The following CFAP46 variants were observed in gnomAD, a reference collection of about 807,000 sequenced individuals.
CFAP46 encodes the protein cilia and flagella associated protein 46, also known as cilia- and flagella-associated protein 46.
CFAP46 carries 245 observed loss-of-function variants against 325.7 expected under a neutral mutation model. The ratio of observed to expected loss-of-function variants is 0.75; its 90% CI spans 0.68 to 0.84. CFAP46 has a LOEUF of 0.84. Ranked by LOEUF, CFAP46 falls within the 40% of genes least tolerant of loss-of-function variation. The probability of loss-of-function intolerance (pLI) is 0.00; values close to 1 mark genes in which losing one functional copy is unlikely to be tolerated. For synonymous variants in CFAP46, 1,523 were observed against 1,495.9 expected (o/e 1.02, Z -0.42); for missense variants, 3,346 against 3,543.0 (o/e 0.94, Z 1.41).
chr10:132,850,972 G>T, intron 40 of CFAP46, 145 bp downstream of exon 40: 1 of 852,480 alleles, frequency 1.2e-6, no homozygotes, highest in Non-Finnish European at 1.8e-6. Flanking sequence ...ATGCCCGGGA[G>T]CTCCCCCTGC....
intron 11 of CFAP46, among the ~76,000 whole-genome samples, chr10:132,923,995 G>A (rs1849768001): frequency 6.6e-6 from 1 of 152,142 alleles, no homozygotes; most frequent in African/African-American, 2.4e-5. Flanking sequence ...TAGCAGACAG[G>A]GAGCGGGGGC....
intron 22 of CFAP46, among the ~76,000 whole-genome samples, chr10:132,901,612 T>C (rs935733776): frequency 2.0e-5 from 3 of 152,234 alleles, no homozygotes; most frequent in African/African-American, 7.2e-5. Flanking sequence ...TCTATATTTA[T>C]GAAAAATCCC....
intron 8 of CFAP46, among the ~76,000 whole-genome samples, chr10:132,933,413 G>A (rs1012779811): frequency 3.9e-5 from 6 of 152,254 alleles, no homozygotes; most frequent in African/African-American, 1.2e-4. Flanking sequence ...ACCTCTCGTC[G>A]GAGCGCCTGG....
chr10:132,907,780 A>T (rs1031340494), intron 22 of CFAP46, among the ~76,000 whole-genome samples: 1 of 152,086 alleles, frequency 6.6e-6, no homozygotes, highest in Non-Finnish European at 1.5e-5. Context: ...ATGGGGATGG[A>T]GCCCTCACAA....
intron 50 of CFAP46, among the ~76,000 whole-genome samples, chr10:132,823,763 T>TG (rs1847953455): frequency 1.6e-5 from 1 of 63,458 alleles, no homozygotes; most frequent in Non-Finnish European, 3.0e-5. Context: ...GTGCTGTGTG[T>TG]GTGCTGTGTG....
chr10:132,814,200 G>A lies in CFAP46; in HGVS notation c.7340C>T (p.Thr2447Ile), dbSNP rs1447218635. 1.2e-6 allele frequency: 2 copies of A among 1,614,016 alleles called. No homozygotes were observed. Among genetic ancestry groups the A allele is most frequent in the East Asian group, 2.2e-5 (1 of 44,876 alleles). ...ATGTCCCGCCCATCGCGACGTGAATGTGTCTTGGAATCTTTCCAAAATGTC... is the reference window on the plus strand; with the variant it reads ...ATGTCCCGCCCATCGCGACGTGAATATGTCTTGGAATCTTTCCAAAATGTC... ...TQDILERFQD[T>I]FTSRWAGHLG... The change falls in exon 54 of 58, where the codon ACA (threonine) becomes ATA (isoleucine). Residue 2447 changes from threonine to isoleucine, a missense_variant. Thr to Ile is a moderately conservative substitution (Grantham distance 89, BLOSUM62 -1). Coordinates refer to ENST00000368586, the MANE Select transcript of CFAP46 (RefSeq NM_001200049.3).
At chr10:132,819,849 A>G (rs4880277) in intron 50 of CFAP46, among the ~76,000 whole-genome samples, 73,760 of 152,096 alleles carry the variant, frequency 0.48, 18,128 homozygotes, top group Admixed American at 0.59. Flanking sequence ...TTTTGGATAT[A>G]ACATTGAAAT....
At chr10:132,862,501 G>A (rs1482244018) in intron 35 of CFAP46, among the ~76,000 whole-genome samples, 1 of 152,044 alleles carries the variant, frequency 6.6e-6, no homozygotes, top group East Asian at 1.9e-4. Flanking sequence ...ACACTGAGTG[G>A]GAGGGGCAGA....
rs763729402 is a variant in CFAP46, at chr10:132,876,553, G to A, written c.4362+259C>T. Among the ~76,000 whole-genome samples, 30 of 152,208 alleles carry A rather than the reference G, an allele frequency of 2.0e-4. No homozygotes were observed. Among genetic ancestry groups the A allele is most frequent in the Non-Finnish European group, 2.9e-4 (20 of 68,044 alleles). The stretch of plus-strand genomic sequence containing the variant: ...TTGTTTTAACCATGCGGTTGTGGGA[G>A]CTTGTCATGAACACCTGTCCTGTCT... On this transcript the variant is annotated intron_variant, in intron 31 of 57. Coordinates refer to ENST00000368586, the MANE Select transcript of CFAP46 (RefSeq NM_001200049.3). The surrounding 1 kb of genome is among the most constrained non-coding windows in gnomAD (Gnocchi z 4.1).
intron 27 of CFAP46, among the ~76,000 whole-genome samples, chr10:132,883,624 C>T (rs1849078886): frequency 1.3e-5 from 2 of 152,240 alleles, no homozygotes; most frequent in African/African-American, 2.4e-5. Flanking sequence ...GGCTGTGCCC[C>T]CGGGGGACGA....
At position 132,847,221 on chromosome 10, in the gene CFAP46, G is replaced by A. The variant is rs143761539; in HGVS notation, c.6053C>T (p.Pro2018Leu). 3.7e-5 allele frequency: 59 copies of A among 1,612,930 alleles called. No homozygotes were observed. The highest frequency in any genetic ancestry group is 1.6e-4 in the Middle Eastern group (1 of 6,082). The change falls in exon 42 of 58, where the codon CCG (proline) becomes CTG (leucine). Residue 2018 changes from proline (P) to leucine (L), a missense_variant. Pro to Leu is a moderately conservative substitution (Grantham distance 98, BLOSUM62 -3). Transcript: ENST00000368586. The surrounding 1 kb of genome is among the most constrained non-coding windows in gnomAD (Gnocchi z 5.2). ...CTCGCCTCTCCTGCAGTGCTCCTCCGGGGCTGCCCTGGAGGCCGGCGGGTC... is the reference window on the plus strand; with the variant it reads ...CTCGCCTCTCCTGCAGTGCTCCTCCAGGGCTGCCCTGGAGGCCGGCGGGTC... Reference protein sequence around the residue: ...SRDPPASRAAPEEHCRRGEDL... With the variant: ...SRDPPASRAALEEHCRRGEDL...
intron 41 of CFAP46, among the ~76,000 whole-genome samples, chr10:132,848,298 A>G (rs887460928): frequency 1.3e-5 from 2 of 152,214 alleles, no homozygotes; most frequent in Non-Finnish European, 2.9e-5. Context: ...GAAAATACTG[A>G]GGGAAGAGAA....
At chr10:132,865,241 A>G (rs1848796264) in intron 35 of CFAP46, among the ~76,000 whole-genome samples, 2 of 152,228 alleles carry the variant, frequency 1.3e-5, no homozygotes, top group South Asian at 4.1e-4. Flanking sequence ...TACACTCTGC[A>G]CAGAGAAAAG....
At chr10:132,868,821 TC>T (rs1361698055) in intron 33 of CFAP46, among the ~76,000 whole-genome samples, 2 of 152,260 alleles carry the variant, frequency 1.3e-5, no homozygotes, top group Non-Finnish European at 2.9e-5. Context: ...TGAGATGGTC[TC>T]TAAATCTAAA....
Position 132,884,860 on chromosome 10 carries a change from C to T in CFAP46, c.3627+243G>A, listed in dbSNP as rs1468829402. ...GGGCCCCCCTCACCCTGCTCAGGGACGAGGACCTGACCACGACCCCTCCAT... is the reference window on the plus strand; with the variant it reads ...GGGCCCCCCTCACCCTGCTCAGGGATGAGGACCTGACCACGACCCCTCCAT... On this transcript the variant is annotated intron_variant, in intron 27 of 57. Transcript: ENST00000368586. This position sits in a 1 kb window ranked among gnomAD's most constrained non-coding sequence, Gnocchi z 5.4. Among the ~76,000 whole-genome samples, 2 of 152,148 alleles carry T rather than the reference C, an allele frequency of 1.3e-5. No individual in the cohort carries two copies. The highest frequency in any genetic ancestry group is 6.5e-5 in the Admixed American group (1 of 15,284).
chr10:132,834,999 G>A lies in CFAP46; in HGVS notation c.6745-224C>T, dbSNP rs541911606. On this transcript the variant is annotated intron_variant, in intron 47 of 57. Transcript: ENST00000368586. ...CACCCATCTCCTCTGCCCGCACCAC[G>A]GAGGGTCCTGCCTGTGGGGACAGCC... Among the ~76,000 whole-genome samples, 27 of 152,376 alleles carry A rather than the reference G, an allele frequency of 1.8e-4. No individual in the cohort carries two copies. In the East Asian group the frequency reaches 4.0e-3, roughly 23 times the overall value.
chr10:132,866,305 T>C, intron 34 of CFAP46, 134 bp from the exon 35 acceptor site: 3 of 990,204 alleles, frequency 3.0e-6, no homozygotes, highest in Non-Finnish European at 2.7e-6. Flanking sequence ...CCTGCTGGCC[T>C]AGGCACCATG....
Position 132,832,875 on chromosome 10 carries a change from G to A in CFAP46, c.7117+483C>T. 1 of 463,920 alleles carries A rather than the reference G, an allele frequency of 2.2e-6. No homozygotes were observed. The highest frequency in any genetic ancestry group is 4.5e-6 in the Non-Finnish European group (1 of 221,428). 28.7% of individuals were successfully genotyped at this position (463,920 alleles called of 1,614,324 possible). A position where few individuals can be genotyped will look rare whatever the true frequency, so the allele number is the denominator to read the frequency against. The stretch of plus-strand genomic sequence containing the variant: ...CTCCTTTGAAACAGGTATTTGTGGG[G>A]GCAAGAACAGCGTTAAGTTTGTCTT... On this transcript the variant is annotated intron_variant, in intron 50 of 57. Coordinates refer to ENST00000368586, the MANE Select transcript of CFAP46 (RefSeq NM_001200049.3). This position sits in a 1 kb window ranked among gnomAD's most constrained non-coding sequence, Gnocchi z 4.1.
rs189224774 is a variant in CFAP46 at position 132,863,208 on chromosome 10, C to T, written c.4891-2226G>A. Among the ~76,000 whole-genome samples the T allele has an allele frequency of 9.1e-3, 1,386 of 152,212 alleles. 91 individuals are homozygous for T. Among genetic ancestry groups the T allele is most frequent in the Admixed American group, 0.084 (1,285 of 15,304 alleles). ...GAGGCCCCGGCATGCAGCAGACTCACTCCCTAAGTCCCAGGGCTCTCACCA... is the reference window on the plus strand; with the variant it reads ...GAGGCCCCGGCATGCAGCAGACTCATTCCCTAAGTCCCAGGGCTCTCACCA... On this transcript the variant is annotated intron_variant, in intron 35 of 57. Transcript: ENST00000368586.
Sources: allele counts gnomAD v4.1 joint callset (sites outside exome capture counted in the v4.1 genomes callset), GRCh38; gene constraint gnomAD v4.1.1; non-coding constraint Gnocchi (gnomAD v3.1); transcripts MANE v1.5; gene names NCBI Gene and HGNC (gene_info 2026-07-23, HGNC 2026-07-21).